Variants in TBX19 observed in about 807,000 individuals in gnomAD.
TBX19 encodes T-box transcription factor 19.
In TBX19, 33 loss-of-function variants were observed where a neutral mutation model predicts 40.9. The ratio of observed to expected loss-of-function variants is 0.81; its 90% CI spans 0.61 to 1.08. The LOEUF (loss-of-function observed/expected upper bound fraction) is 1.08, where lower values mean the gene tolerates loss of function less well. TBX19 is among the 50% of genes least tolerant of loss of function. TBX19 has a pLI of 0.00. For synonymous variants in TBX19, 220 were observed against 225.0 expected (o/e 0.98, Z 0.20); for missense variants, 494 against 574.0 (o/e 0.86, Z 1.42).
At chr1:168,310,225 T>C (rs1466923015) in intron 7 of TBX19, among the ~76,000 whole-genome samples, 1 of 151,076 alleles carries the variant, frequency 6.6e-6, no homozygotes, top group African/African-American at 2.4e-5. Flanking sequence ...TCACTTGAAC[T>C]CAGGAGGCGG....
In TBX19 at chr1:168,310,299, A is replaced by G. The variant is rs76217283; in HGVS notation, c.1052+1422A>G. 3.4e-5 allele frequency among the ~76,000 whole-genome samples: 5 copies of G among 147,280 alleles called. No homozygotes were observed. In the East Asian group the frequency reaches 5.9e-4, roughly 17 times the overall value. On this transcript the variant is annotated intron_variant, in intron 7 of 7. Coordinates refer to ENST00000367821, the MANE Select transcript of TBX19 (RefSeq NM_005149.3). ...CAACAAGAGCGAAACTCTGCCTCCA[A>G]AAAAAAAAAAAGGATGGGATTTGGG...
intron 3 of TBX19, among the ~76,000 whole-genome samples, chr1:168,294,524 CAG>C (rs1463720298): frequency 2.0e-5 from 3 of 149,930 alleles, no homozygotes; most frequent in Non-Finnish European, 4.4e-5. Flanking sequence ...TTTTTTGAGA[CAG>C]AGTCTCACTC....
intron 5 of TBX19, among the ~76,000 whole-genome samples, chr1:168,303,089 C>T (rs1396428126): frequency 1.3e-5 from 2 of 151,970 alleles, no homozygotes; most frequent in African/African-American, 2.4e-5. Context: ...ATGTTCACAA[C>T]GTGCAGGTTT....
Position 168,297,724 on chromosome 1 carries a change from A to G in TBX19, c.604A>G (p.Ile202Val), listed in dbSNP as rs779486584. The G allele has an allele frequency of 6.8e-6, 11 of 1,614,070 alleles. No homozygotes were observed. The Admixed American group carries it at 8.3e-5, about 12-fold the overall frequency. Residue 202 changes from isoleucine (I) to valine (V), a missense_variant and splice_region_variant, in exon 4 of 8, where the codon ATA (isoleucine) becomes GTA (valine). Coordinates refer to ENST00000367821, the MANE Select transcript of TBX19 (RefSeq NM_005149.3). ...IAVTAYQNEEITALKIKYNPF... is the reference protein window; with the variant it reads ...IAVTAYQNEEVTALKIKYNPF... Reference sequence around the variant, plus strand: ...CACTTCTTGTCTTTGTAAATGCAAGATAACGGCTCTCAAAATCAAGTACAA... The same window carrying G: ...CACTTCTTGTCTTTGTAAATGCAAGGTAACGGCTCTCAAAATCAAGTACAA...
At chr1:168,294,885 G>A (rs7527071) in intron 3 of TBX19, among the ~76,000 whole-genome samples, 7,735 of 152,188 alleles carry the variant, frequency 0.051, 378 homozygotes, top group East Asian at 0.13. Context: ...CCTAGAAACA[G>A]ATAGACATGG....
chr1:168,291,086 T>C (rs1455277717), intron 1 of TBX19, 74 bp from the exon 2 acceptor site: 2 of 1,605,946 alleles, frequency 1.2e-6, no homozygotes, highest in East Asian at 2.2e-5. Flanking sequence ...GGTCTCAGTA[T>C]TGAGAGGCCC....
chr1:168,285,303 C>T (rs572088743), intron 1 of TBX19, among the ~76,000 whole-genome samples: 1 of 150,236 alleles, frequency 6.7e-6, no homozygotes, highest in South Asian at 2.1e-4. Flanking sequence ...ACACACACCC[C>T]TCTAAAAGTT....
At chr1:168,295,644 T>C (rs1649085024) in intron 3 of TBX19, among the ~76,000 whole-genome samples, 1 of 152,200 alleles carries the variant, frequency 6.6e-6, no homozygotes, top group African/African-American at 2.4e-5. Context: ...GTGGCCAGTC[T>C]TTCGATGATA....
intron 2 of TBX19, 114 bp from the exon 3 acceptor site, chr1:168,293,030 G>C (rs1648984945): frequency 6.4e-7 from 1 of 1,565,970 alleles, no homozygotes; most frequent in East Asian, 2.3e-5. Flanking sequence ...TGAAATGTGT[G>C]TCCCTAACCG....
chr1:168,285,632 A>G (rs1648785896), intron 1 of TBX19, among the ~76,000 whole-genome samples: 1 of 152,206 alleles, frequency 6.6e-6, no homozygotes, highest in African/African-American at 2.4e-5. Context: ...TTACCCTGCC[A>G]CATTTTCCTC....
In TBX19 at chr1:168,281,089, C is replaced by CT; in HGVS notation, c.-1dup. ...GCTCTCGGCAAAGTTCGAGAAGTGCCTATGGCCATGAGTGAGCTGGGCACT... is the reference window on the plus strand; with the variant it reads ...GCTCTCGGCAAAGTTCGAGAAGTGCCTTATGGCCATGAGTGAGCTGGGCACT... On this transcript the variant is annotated 5_prime_UTR_variant, in exon 1 of 8. Coordinates refer to ENST00000367821, the MANE Select transcript of TBX19 (RefSeq NM_005149.3). 6.2e-7 allele frequency: 1 copy of CT among 1,614,090 alleles called. No homozygotes were observed.
intron 5 of TBX19, among the ~76,000 whole-genome samples, 166 bp downstream of exon 5, chr1:168,300,649 CAGAG>C (rs1174007350): frequency 6.6e-6 from 1 of 152,064 alleles, no homozygotes; most frequent in Non-Finnish European, 1.5e-5. Flanking sequence ...TCCAGAATTC[CAGAG>C]AGAGAGCCAA....
intron 6 of TBX19, among the ~76,000 whole-genome samples, chr1:168,305,857 A>G (rs933898715): frequency 6.6e-6 from 1 of 152,224 alleles, no homozygotes; most frequent in African/African-American, 2.4e-5. Flanking sequence ...GAGAAATGAA[A>G]ACAATGGTTA....
At chr1:168,295,031 G>C (rs1005947640) in intron 3 of TBX19, among the ~76,000 whole-genome samples, 2 of 152,136 alleles carry the variant, frequency 1.3e-5, no homozygotes, top group Non-Finnish European at 2.9e-5. Flanking sequence ...GGTGGCTCAC[G>C]TCTCTAATCC....
At chr1:168,284,294 C>T (rs1354697377) in intron 1 of TBX19, among the ~76,000 whole-genome samples, 1 of 152,166 alleles carries the variant, frequency 6.6e-6, no homozygotes, top group African/African-American at 2.4e-5. Flanking sequence ...TGTATCCAGC[C>T]AGTATTCCCT....
intron 3 of TBX19, 61 bp from the exon 4 acceptor site, chr1:168,297,663 G>A (rs78189582): frequency 0.012 from 18,072 of 1,446,604 alleles, 141 homozygotes; most frequent in African/African-American, 0.016. Flanking sequence ...GAAGACAAAG[G>A]GTTCTGTTTG....
rs779560652 is a variant in TBX19 at position 168,305,018 on chromosome 1, G to A, written c.738G>A (p.Trp246Ter). 1 of 1,614,034 alleles carries A rather than the reference G, an allele frequency of 6.2e-7. No homozygotes were observed. The highest frequency in any genetic ancestry group is 1.7e-5 in the Admixed American group (1 of 60,032). ...TCTTGTCTATTTTAGTGGGAGGCTG[G>A]ATCTTTTCCAATCCAGATGGAGTGT... Reference protein sequence around the residue: ...QHVTYSHLGGWIFSNPDGVCT... With the variant: ...QHVTYSHLGG The change falls in exon 6 of 8, where the codon TGG (tryptophan) becomes TGA (stop). Residue 246 changes from tryptophan (W) to a stop codon, truncating the protein, a stop_gained. Transcript: ENST00000367821. LOFTEE classifies it high-confidence loss of function.
At chr1:168,305,686 A>G (rs1649389288) in intron 6 of TBX19, among the ~76,000 whole-genome samples, 1 of 152,236 alleles carries the variant, frequency 6.6e-6, no homozygotes, top group African/African-American at 2.4e-5. Context: ...AGTTGGAGAC[A>G]TGCAAACCCA....
At chr1:168,291,075 A>C (rs768769732) in intron 1 of TBX19, 85 bp from the exon 2 acceptor site, 3 of 1,584,984 alleles carry the variant, frequency 1.9e-6, no homozygotes, top group Non-Finnish European at 2.6e-6. Context: ...ATTCCGTGGA[A>C]GGTCTCAGTA....
Sources: gnomAD v4.1 joint callset for allele counts (sites outside exome capture counted in the v4.1 genomes callset) on GRCh38, gnomAD v4.1.1 for gene constraint, MANE v1.5 for transcripts, NCBI Gene and HGNC (gene_info 2026-07-23, HGNC 2026-07-21) for gene names.